The following PAX7 variants were observed in gnomAD, a reference collection of about 807,000 sequenced individuals.
PAX7 encodes the protein paired box protein Pax-7.
In PAX7, 18 loss-of-function variants were observed where a neutral mutation model predicts 50.7. The ratio of observed to expected loss-of-function variants is 0.36; its 90% CI spans 0.25 to 0.53. PAX7 has a LOEUF of 0.53. PAX7 is among the 20% of genes least tolerant of loss of function. PAX7 has a pLI of 0.93. For synonymous variants in PAX7, 310 were observed against 290.4 expected (o/e 1.07, Z -0.69); for missense variants, 644 against 702.9 (o/e 0.92, Z 0.95).
In PAX7 at chr1:18,745,048, C is replaced by A. The variant is rs1280221123; in HGVS notation, c.*119C>A. 3.1e-6 allele frequency: 2 copies of A among 638,376 alleles called. No individual in the cohort carries two copies. Among genetic ancestry groups the A allele is most frequent in the African/African-American group, 3.7e-5 (2 of 54,360 alleles). 39.5% of individuals were successfully genotyped at this position (638,376 alleles called of 1,614,324 possible). On this transcript the variant is annotated 3_prime_UTR_variant, in exon 9 of 9. Coordinates refer to ENST00000420770, the MANE Select transcript of PAX7 (RefSeq NM_001135254.2). ...CTAGGAGGCCAGGAAAGGAGCCCAC[C>A]TGCTTCTCATCACCAGCCCCCTGGA... is the stretch of plus-strand genomic sequence containing the variant.
chr1:18,640,891 C>T (rs1488510102), intron 4 of PAX7, among the ~76,000 whole-genome samples: 6 of 150,440 alleles, frequency 4.0e-5, no homozygotes, highest in African/African-American at 1.5e-4. Flanking sequence ...GAGCTGGGAA[C>T]GTCCCGGCGG....
At position 18,744,936 on chromosome 1, in the gene PAX7, T is replaced by A; in HGVS notation, c.*7T>A. ...AACTGGCCAGGCCTACTAGGGCCCC[T>A]GGGGCGACTTGCCCCAGCCCAATTC... is the stretch of plus-strand genomic sequence containing the variant. On this transcript the variant is annotated 3_prime_UTR_variant, in exon 9 of 9. Coordinates refer to ENST00000420770, the MANE Select transcript of PAX7 (RefSeq NM_001135254.2). 6.7e-7 allele frequency: 1 copy of A among 1,486,726 alleles called. No homozygotes were observed. Among genetic ancestry groups the A allele is most frequent in the African/African-American group, 1.4e-5 (1 of 71,908 alleles). The allele number at this position is 1,486,726 out of a possible 1,614,324, so 92.1% of individuals were successfully genotyped here.
At chr1:18,670,450 C>T (rs1341025505) in intron 4 of PAX7, among the ~76,000 whole-genome samples, 2 of 152,138 alleles carry the variant, frequency 1.3e-5, no homozygotes, top group Non-Finnish European at 2.9e-5. Context: ...TCCTGAGTGC[C>T]CAGGCCCAGG....
intron 7 of PAX7, among the ~76,000 whole-genome samples, chr1:18,729,783 G>C (rs1380105398): frequency 6.6e-6 from 1 of 152,174 alleles, no homozygotes; most frequent in African/African-American, 2.4e-5. Context: ...ACTCAGGCCA[G>C]AGTGGGGTGC....
In PAX7 at chr1:18,745,527, A is replaced by G. The variant is rs1412736557; in HGVS notation, c.*598A>G. On this transcript the variant is annotated 3_prime_UTR_variant, in exon 9 of 9. Transcript: ENST00000420770. ...GGGGCAGTCTCACCCCCACCCAGGAATTTGAAGGACTTCAGAACCCTCCCC... is the reference window on the plus strand; with the variant it reads ...GGGGCAGTCTCACCCCCACCCAGGAGTTTGAAGGACTTCAGAACCCTCCCC... The G allele has an allele frequency of 4.3e-6, 1 of 230,484 alleles. No homozygotes were observed. The highest frequency in any genetic ancestry group is 6.2e-5 in the East Asian group (1 of 16,188). The allele number at this position is 230,484 out of a possible 1,614,324, so 14.3% of individuals were successfully genotyped here. A position where few individuals can be genotyped will look rare whatever the true frequency, so the allele number is the denominator to read the frequency against.
chr1:18,653,834 C>T (rs909515483), intron 4 of PAX7, among the ~76,000 whole-genome samples: 2 of 151,956 alleles, frequency 1.3e-5, no homozygotes, highest in African/African-American at 4.8e-5. Flanking sequence ...TTTCCCTGCT[C>T]CCCAGGAAAG....
chr1:18,656,471 G>A (rs1430945280), intron 4 of PAX7, among the ~76,000 whole-genome samples: 1 of 152,158 alleles, frequency 6.6e-6, no homozygotes, highest in Non-Finnish European at 1.5e-5. Flanking sequence ...CTGCACTGCA[G>A]CCTGGGTGAC....
intron 7 of PAX7, among the ~76,000 whole-genome samples, chr1:18,723,675 G>A (rs965800919): frequency 3.3e-5 from 5 of 152,258 alleles, no homozygotes; most frequent in African/African-American, 1.2e-4. Context: ...GATGCACAGG[G>A]AGAGAAGAGA....
chr1:18,703,141 A>T lies in PAX7; in HGVS notation c.1000A>T (p.Met334Leu). 4 of 1,613,950 alleles carry T rather than the reference A, an allele frequency of 2.5e-6. No individual in the cohort carries two copies. Among genetic ancestry groups the T allele is most frequent in the Non-Finnish European group, 3.4e-6 (4 of 1,179,948 alleles). Reference sequence around the variant, plus strand: ...GCCTCAGCCCCTGCCACCGTCCACCATGCACCAGGGCGGGCTGGCTGCAGC... The same window carrying T: ...GCCTCAGCCCCTGCCACCGTCCACCTTGCACCAGGGCGGGCTGGCTGCAGC... ...HRPQPLPPSTMHQGGLAAAAA... is the reference protein window; with the variant it reads ...HRPQPLPPSTLHQGGLAAAAA... The change falls in exon 7 of 9, where the codon ATG (methionine) becomes TTG (leucine). Residue 334 changes from methionine (M) to leucine (L), a missense_variant. Met to Leu is a conservative substitution (Grantham distance 15). Transcript: ENST00000420770.
intron 8 of PAX7, among the ~76,000 whole-genome samples, chr1:18,743,058 T>A (rs547173828): frequency 4.6e-5 from 7 of 152,188 alleles, no homozygotes; most frequent in African/African-American, 1.7e-4. Context: ...TCAAAGGCCA[T>A]GTTTACTTAC....
At chr1:18,712,134 CTGATGGTCAGTGTGAAT>C (rs56053517) in intron 7 of PAX7, among the ~76,000 whole-genome samples, 3 of 150,680 alleles carry the variant, frequency 2.0e-5, no homozygotes, top group Non-Finnish European at 3.0e-5. Context: ...TAGGTGTGAA[CTGATGGTCAGTGTGAAT>C]TGATGGTCAG....
Position 18,744,693 on chromosome 1 carries a change from G to GATGGATGGATAA in PAX7, c.1403-111_1403-110insAAATGGATGGAT, listed in dbSNP as rs1449181275. 7.5e-3 allele frequency: 2,501 copies of GATGGATGGATAA among 335,618 alleles called. 8 individuals are homozygous for GATGGATGGATAA. The highest frequency in any genetic ancestry group is 0.013 in the Middle Eastern group (18 of 1,418). The allele number at this position is 335,618 out of a possible 1,614,324, so 20.8% of individuals were successfully genotyped here. A position where few individuals can be genotyped will look rare whatever the true frequency, so the allele number is the denominator to read the frequency against. ...GGATGGATGGATGGATGGATAAATG[G>GATGGATGGATAA]ATGGATGGATGGATGGATGGATGGA... On this transcript the variant is annotated intron_variant, in intron 8 of 8. Coordinates refer to ENST00000420770, the MANE Select transcript of PAX7 (RefSeq NM_001135254.2).
chr1:18,702,446 C>G (rs2089234535), intron 6 of PAX7, among the ~76,000 whole-genome samples: 1 of 152,172 alleles, frequency 6.6e-6, no homozygotes, highest in South Asian at 2.1e-4. Flanking sequence ...AGAGCCCCCT[C>G]CAGCACCACT....
Position 18,636,999 on chromosome 1 carries a change from A to G in PAX7, c.586+628A>G, listed in dbSNP as rs2088170672. On this transcript the variant is annotated intron_variant, in intron 4 of 8. Transcript: ENST00000420770. The surrounding 1 kb of genome is among the most constrained non-coding windows in gnomAD (Gnocchi z 5.1). ...TGTGGCGTGCGCCGGCAGGGCTGGG[A>G]GTGGAGGCCAAGTTCCCAGATGCCC... Among the ~76,000 whole-genome samples, 2 of 152,102 alleles carry G rather than the reference A, an allele frequency of 1.3e-5. No individual in the cohort carries two copies. The highest frequency in any genetic ancestry group is 4.8e-5 in the African/African-American group (2 of 41,436).
chr1:18,646,763 G>T (rs987880505), intron 4 of PAX7, among the ~76,000 whole-genome samples: 1 of 151,734 alleles, frequency 6.6e-6, no homozygotes, highest in East Asian at 2.0e-4. Flanking sequence ...GCCTAATCCC[G>T]CTTTCATTTC....
intron 7 of PAX7, among the ~76,000 whole-genome samples, chr1:18,712,801 G>T (rs1289046947): frequency 6.6e-6 from 1 of 152,210 alleles, no homozygotes; most frequent in African/African-American, 2.4e-5. Context: ...CCACTCTGGG[G>T]CCGGGTGTGG....
At chr1:18,671,460 G>T (rs557122050) in intron 4 of PAX7, among the ~76,000 whole-genome samples, 118 of 152,310 alleles carry the variant, frequency 7.7e-4, no homozygotes, top group African/African-American at 2.8e-3. Context: ...GCAGACAGCC[G>T]AGCCTGGAAG....
chr1:18,693,222 T>C (rs1260682737), intron 5 of PAX7, among the ~76,000 whole-genome samples: 1 of 152,166 alleles, frequency 6.6e-6, no homozygotes, highest in Non-Finnish European at 1.5e-5. Context: ...CACCCCAAAC[T>C]GCTGACGGCG....
At chr1:18,718,723 A>G (rs1570221910) in intron 7 of PAX7, among the ~76,000 whole-genome samples, 1 of 149,652 alleles carries the variant, frequency 6.7e-6, no homozygotes, top group South Asian at 2.2e-4. Context: ...GCTCACTGCA[A>G]CCTCCGCCTC....
Sources: gnomAD v4.1 joint callset for allele counts (sites outside exome capture counted in the v4.1 genomes callset) on GRCh38, gnomAD v4.1.1 for gene constraint, Gnocchi (gnomAD v3.1) non-coding constraint, MANE v1.5 for transcripts, NCBI Gene and HGNC (gene_info 2026-07-23, HGNC 2026-07-21) for gene names.